CTNNA2: variants seen among roughly 807,000 people sequenced by gnomAD.
CTNNA2 encodes catenin alpha 2.
A neutral mutation model predicts 101.0 loss-of-function variants in CTNNA2; 42 were observed. That is an observed-to-expected ratio of 0.42 (90% CI 0.32 to 0.54). The LOEUF (loss-of-function observed/expected upper bound fraction) is 0.54. CTNNA2 is among the 20% of genes least tolerant of loss of function. The probability of loss-of-function intolerance (pLI) is 0.14; values close to 1 mark genes in which losing one functional copy is unlikely to be tolerated. For missense variants in CTNNA2, 871 were observed against 1,223.1 expected (o/e 0.71, Z 4.29); for synonymous variants, 450 against 456.4 (o/e 0.99, Z 0.18).
Position 80,614,435 on chromosome 2 carries a change from A to C in CTNNA2, c.2431-4650A>C, listed in dbSNP as rs553412706. On this transcript the variant is annotated intron_variant, in intron 17 of 18. Transcript: ENST00000402739. ...ATACAGGAGGATGTGTGTAGGTTTC[A>C]TGTAAATACTATGCCATTTTATATC... Among the ~76,000 whole-genome samples, 19 of 151,556 alleles carry C rather than the reference A, an allele frequency of 1.3e-4. No homozygotes were observed. The East Asian group carries it at 3.1e-3, about 25-fold the overall frequency.
intron 7 of CTNNA2, among the ~76,000 whole-genome samples, chr2:80,055,513 T>G (rs1697161661): frequency 6.6e-6 from 1 of 152,192 alleles, no homozygotes; most frequent in South Asian, 2.1e-4. Flanking sequence ...CGAAGTTGAT[T>G]ATTATTATTA....
intron 2 of CTNNA2, among the ~76,000 whole-genome samples, chr2:79,692,901 A>G (rs916507799): frequency 6.6e-6 from 1 of 151,650 alleles, no homozygotes. Flanking sequence ...GAGGGATAGC[A>G]TTAGCAGAAA....
rs150923413 is a variant in CTNNA2, at chr2:80,185,168, C to G, written c.1057-208043C>G. ...AAGCTTCACTCAGAGAAGATCCACT[C>G]CAAGTTAATTTGTGTGGTTATTGGC... On this transcript the variant is annotated intron_variant, in intron 7 of 18. Transcript: ENST00000402739. 1.6e-3 allele frequency among the ~76,000 whole-genome samples: 239 copies of G among 152,266 alleles called. 1 individual carries two copies. The highest frequency in any genetic ancestry group is 5.4e-3 in the African/African-American group (224 of 41,554).
intron 7 of CTNNA2, among the ~76,000 whole-genome samples, chr2:80,216,704 G>A (rs1708288791): frequency 6.6e-6 from 1 of 152,174 alleles, no homozygotes. Context: ...AGAACGGTGA[G>A]AAACAAATTT....
At chr2:79,900,317 A>G (rs1020834006) in intron 6 of CTNNA2, among the ~76,000 whole-genome samples, 1 of 152,212 alleles carries the variant, frequency 6.6e-6, no homozygotes, top group Non-Finnish European at 1.5e-5. Flanking sequence ...GAAGGATTCC[A>G]TAGTGAAGAG....
At chr2:80,162,687 G>A (rs1704405986) in intron 7 of CTNNA2, 1 of 1,612,834 alleles carries the variant, frequency 6.2e-7, no homozygotes, top group African/African-American at 1.3e-5. Flanking sequence ...GCGCCACTGG[G>A]AGCTTGAAGA....
At chr2:79,606,336 C>T (rs1300606863) in intron 1 of CTNNA2, among the ~76,000 whole-genome samples, 8 of 152,154 alleles carry the variant, frequency 5.3e-5, no homozygotes, top group Non-Finnish European at 5.9e-5. Flanking sequence ...GGCGCAATCT[C>T]GGCTCACTGC....
intron 7 of CTNNA2, among the ~76,000 whole-genome samples, chr2:80,354,271 G>A (rs1330845915): frequency 6.6e-6 from 1 of 152,150 alleles, no homozygotes; most frequent in Non-Finnish European, 1.5e-5. Flanking sequence ...AGAAGGAAGT[G>A]TACATGTAGG....
chr2:79,536,680 A>ATTTT (rs200253287), intron 1 of CTNNA2, among the ~76,000 whole-genome samples: 1 of 78,570 alleles, frequency 1.3e-5, no homozygotes, highest in Non-Finnish European at 2.9e-5. Flanking sequence ...TTCACCATGG[A>ATTTT]TTTTTTTTTT....
At chr2:79,982,197 T>C (rs1691329308) in intron 7 of CTNNA2, among the ~76,000 whole-genome samples, 2 of 12,118 alleles carry the variant, frequency 1.7e-4, no homozygotes, top group East Asian at 2.2e-3. Context: ...TGCCACTATA[T>C]ATATATATAT....
chr2:80,064,545 A>G (rs1383039912), intron 7 of CTNNA2, among the ~76,000 whole-genome samples: 4 of 152,178 alleles, frequency 2.6e-5, no homozygotes, highest in Non-Finnish European at 5.9e-5. Flanking sequence ...TTGCTCTTGA[A>G]GCTCCAAGTA....
intron 2 of CTNNA2, among the ~76,000 whole-genome samples, chr2:79,679,581 A>G (rs1443203131): frequency 6.8e-6 from 1 of 147,936 alleles, no homozygotes; most frequent in Non-Finnish European, 1.5e-5. Flanking sequence ...CCCCTTTCCC[A>G]TCTCTGTGGT....
At chr2:79,918,970 G>A (rs1686461002) in intron 7 of CTNNA2, among the ~76,000 whole-genome samples, 1 of 152,188 alleles carries the variant, frequency 6.6e-6, no homozygotes, top group Non-Finnish European at 1.5e-5. Context: ...GACATGTGAT[G>A]AAGGAGCAGG....
At chr2:80,201,466 C>T (rs1707207578) in intron 7 of CTNNA2, among the ~76,000 whole-genome samples, 1 of 150,558 alleles carries the variant, frequency 6.6e-6, no homozygotes, top group Non-Finnish European at 1.5e-5. Context: ...CTCCGCCTCC[C>T]AGGTTCATGC....
At chr2:80,202,730 TA>T (rs78658764) in intron 7 of CTNNA2, among the ~76,000 whole-genome samples, 11,150 of 144,460 alleles carry the variant, frequency 0.077, 490 homozygotes, top group African/African-American at 0.12. Flanking sequence ...CCAAGAGATT[TA>T]AAAAAAAAAA....
At chr2:79,196,017 A>G (rs1424719469) in intron 1 of CTNNA2, among the ~76,000 whole-genome samples, 1 of 151,914 alleles carries the variant, frequency 6.6e-6, no homozygotes, top group Non-Finnish European at 1.5e-5. Flanking sequence ...GCTCAATGCA[A>G]TCTCCGCCTC....
chr2:80,564,949 G>A lies in CTNNA2; in HGVS notation c.1741+9056G>A, dbSNP rs988235064. ...AGAGGAAGATTGAAATTTAGAGAAA[G>A]TATGTAAGGTTTATTTCTACATTGC... On this transcript the variant is annotated intron_variant, in intron 12 of 18. Transcript: ENST00000402739. Among the ~76,000 whole-genome samples the A allele has an allele frequency of 2.6e-5, 4 of 152,136 alleles. No individual in the cohort carries two copies. In the East Asian group the frequency reaches 5.8e-4, roughly 22 times the overall value.
intron 9 of CTNNA2, among the ~76,000 whole-genome samples, chr2:80,494,235 A>G (rs874028): frequency 0.13 from 20,490 of 152,134 alleles, 1,760 homozygotes; most frequent in East Asian, 0.46. Context: ...AATAAACAAT[A>G]ATTTTTACAG....
chr2:79,423,829 C>T (rs117263404), intron 4 of CTNNA2, among the ~76,000 whole-genome samples: 11 of 152,246 alleles, frequency 7.2e-5, no homozygotes, highest in East Asian at 5.8e-4. Flanking sequence ...GCCTCTTATG[C>T]GGACTAATCG....
Sources: gnomAD v4.1 joint callset for allele counts (sites outside exome capture counted in the v4.1 genomes callset) on GRCh38, gnomAD v4.1.1 for gene constraint, MANE v1.5 for transcripts, NCBI Gene and HGNC (gene_info 2026-07-23, HGNC 2026-07-21) for gene names.